The following GALNT13 variants were observed in gnomAD, a reference collection of about 807,000 sequenced individuals.
GALNT13 encodes the protein polypeptide N-acetylgalactosaminyltransferase 13.
In GALNT13, 28 loss-of-function variants were observed where a neutral mutation model predicts 64.2. The ratio of observed to expected loss-of-function variants is 0.44; its 90% confidence interval spans 0.32 to 0.60. The LOEUF is 0.60. GALNT13 is among the 20% of genes least tolerant of loss of function. The pLI is 0.05. For synonymous variants in GALNT13, 214 were observed against 224.6 expected (o/e 0.95, Z 0.42); for missense variants, 577 against 669.8 (o/e 0.86, Z 1.53).
chr2:153,372,443 C>T, the GALNT13 span, among the ~76,000 whole-genome samples: 2 of 152,006 alleles, frequency 1.3e-5, no homozygotes, highest in Admixed American at 6.5e-5. Context: ...GTCAAGAGAT[C>T]GAGACCATCC....
At chr2:153,630,846 T>G in the GALNT13 span, among the ~76,000 whole-genome samples, 2 of 111,860 alleles carry the variant, frequency 1.8e-5, no homozygotes, top group African/African-American at 7.0e-5. Context: ...AGTTCTAGGG[T>G]ACATGTGCAC....
upstream of GALNT13, among the ~76,000 whole-genome samples, chr2:153,870,542 G>C (rs1685854862): frequency 6.6e-6 from 1 of 151,808 alleles, no homozygotes; most frequent in South Asian, 2.1e-4. Context: ...GGGACCCTGT[G>C]TACTCACACA....
At chr2:154,446,701 G>T in intron 12 of GALNT13, 2 of 1,547,244 alleles carry the variant, frequency 1.3e-6, no homozygotes, top group Non-Finnish European at 1.7e-6. Flanking sequence ...AACTATACAA[G>T]AATGGAAATT....
chr2:153,228,825 A>G, the GALNT13 span, among the ~76,000 whole-genome samples: 4 of 148,694 alleles, frequency 2.7e-5, no homozygotes, highest in Non-Finnish European at 5.9e-5. Flanking sequence ...GTGAGTCCAG[A>G]TAGCACCACT....
At chr2:153,154,028 G>A in the GALNT13 span, among the ~76,000 whole-genome samples, 1 of 152,074 alleles carries the variant, frequency 6.6e-6, no homozygotes, top group African/African-American at 2.4e-5. Context: ...CTATCCAAGA[G>A]CATGGAATGT....
chr2:153,206,875 C>G, the GALNT13 span, among the ~76,000 whole-genome samples: 11 of 151,972 alleles, frequency 7.2e-5, no homozygotes, highest in African/African-American at 2.7e-4. Context: ...CAGTGAACCC[C>G]CATTTTACTC....
chr2:153,532,545 A>G, the GALNT13 span, among the ~76,000 whole-genome samples: 381 of 152,162 alleles, frequency 2.5e-3, 3 homozygotes, highest in African/African-American at 8.8e-3. Flanking sequence ...ACTTATGCAA[A>G]TTTCTGCAGC....
At chr2:153,415,822 CTCTG>C in the GALNT13 span, among the ~76,000 whole-genome samples, 54 of 152,226 alleles carry the variant, frequency 3.5e-4, no homozygotes, top group African/African-American at 1.3e-3. Context: ...TCTTATGTTT[CTCTG>C]TCTATTGTCA....
rs1241783818 is a variant in GALNT13, at chr2:154,014,787, C to T, written c.142+70148C>T. On this transcript the variant is annotated intron_variant, in intron 3 of 12. Transcript: ENST00000392825. ...AGCTGGGACTACAGGCGCCCACCACCACTCCCAGCTAATTTTTGTATTTTT... is the reference window on the plus strand; with the variant it reads ...AGCTGGGACTACAGGCGCCCACCACTACTCCCAGCTAATTTTTGTATTTTT... Among the ~76,000 whole-genome samples, 68 of 151,716 alleles carry T rather than the reference C, an allele frequency of 4.5e-4. 1 individual carries two copies. Among genetic ancestry groups the T allele is most frequent in the Admixed American group, 2.6e-4 (4 of 15,238 alleles).
chr2:153,380,192 A>C, the GALNT13 span, among the ~76,000 whole-genome samples: 1 of 152,138 alleles, frequency 6.6e-6, no homozygotes, highest in African/African-American at 2.4e-5. Flanking sequence ...GGATGGTTGC[A>C]CCTGTACTGA....
At chr2:153,182,207 C>G in the GALNT13 span, among the ~76,000 whole-genome samples, 1 of 152,046 alleles carries the variant, frequency 6.6e-6, no homozygotes, top group South Asian at 2.1e-4. Flanking sequence ...TCATACCCGG[C>G]TAATTTTTTT....
At chr2:154,265,569 G>T (rs1023225255) in intron 8 of GALNT13, among the ~76,000 whole-genome samples, 1 of 151,936 alleles carries the variant, frequency 6.6e-6, no homozygotes, top group South Asian at 2.1e-4. Flanking sequence ...TGTGGTGGCG[G>T]GCACCTGTAA....
At chr2:153,945,969 T>A (rs2105388819) in intron 3 of GALNT13, among the ~76,000 whole-genome samples, 1 of 152,208 alleles carries the variant, frequency 6.6e-6, no homozygotes. Context: ...TTTACATGCA[T>A]TTTTTATGCC....
At chr2:154,004,527 G>A (rs1696124652) in intron 3 of GALNT13, among the ~76,000 whole-genome samples, 1 of 152,076 alleles carries the variant, frequency 6.6e-6, no homozygotes, top group Admixed American at 6.5e-5. Flanking sequence ...ATACATTGAA[G>A]GAGAGATTCA....
chr2:153,150,064 C>T, the GALNT13 span, among the ~76,000 whole-genome samples: 388 of 151,816 alleles, frequency 2.6e-3, 2 homozygotes, highest in African/African-American at 8.9e-3. Flanking sequence ...CTCTTGTCGG[C>T]TTCACTCTAA....
chr2:153,365,418 G>T, the GALNT13 span, among the ~76,000 whole-genome samples: 2 of 152,152 alleles, frequency 1.3e-5, no homozygotes, highest in Non-Finnish European at 2.9e-5. Context: ...AAGCACTTCT[G>T]CACAGCAATA....
At chr2:153,591,902 G>T in the GALNT13 span, among the ~76,000 whole-genome samples, 1 of 152,086 alleles carries the variant, frequency 6.6e-6, no homozygotes, top group East Asian at 1.9e-4. Context: ...CCTGCAGAAT[G>T]AGATAAAATA....
the GALNT13 span, among the ~76,000 whole-genome samples, chr2:153,283,584 G>T: frequency 2.0e-4 from 30 of 152,132 alleles, no homozygotes; most frequent in Non-Finnish European, 3.7e-4. Flanking sequence ...ATCTGCTAGG[G>T]CATGGAGTGG....
chr2:154,227,207 A>T (rs1430469207), intron 4 of GALNT13, among the ~76,000 whole-genome samples: 1 of 152,004 alleles, frequency 6.6e-6, no homozygotes, highest in African/African-American at 2.4e-5. Context: ...CACTCTGCTG[A>T]TGATGTGGGG....
Sources: gnomAD v4.1 joint callset for allele counts (sites outside exome capture counted in the v4.1 genomes callset) on GRCh38, gnomAD v4.1.1 for gene constraint, MANE v1.5 for transcripts, NCBI Gene and HGNC (gene_info 2026-07-23, HGNC 2026-07-21) for gene names.